The following UBE2D3 variants were observed in gnomAD, a reference collection of about 807,000 sequenced individuals.
UBE2D3 encodes ubiquitin-conjugating enzyme E2 D3.
In UBE2D3, 2 loss-of-function variants were observed where a neutral mutation model predicts 22.8. The ratio of observed to expected loss-of-function variants is 0.09; its 90% confidence interval spans 0.04 to 0.28. The LOEUF (loss-of-function observed/expected upper bound fraction) is 0.28, where lower values mean the gene tolerates loss of function less well. Among genes scored for constraint, UBE2D3 ranks in the 10% least tolerant of loss-of-function variants. UBE2D3 has a pLI of 1.00. For missense variants in UBE2D3, 27 were observed against 182.5 expected (o/e 0.15, Z 4.91); for synonymous variants, 56 against 60.4 (o/e 0.93, Z 0.34).
At chr4:102,811,557 T>C (rs1367598158) in intron 2 of UBE2D3, 3 of 279,698 alleles carry the variant, frequency 1.1e-5, no homozygotes, top group Non-Finnish European at 2.1e-5. Context: ...TGCACACGCC[T>C]GTAATCCCAG....
At chr4:102,832,578 T>G (rs223381) in intron 1 of UBE2D3, among the ~76,000 whole-genome samples, 85,448 of 151,738 alleles carry the variant, frequency 0.56, 25,037 homozygotes, top group African/African-American at 0.74. Context: ...TGAAGAAATG[T>G]GAGAAAGATC....
intron 7 of UBE2D3, 60 bp from the exon 8 acceptor site, chr4:102,797,520 G>T: frequency 7.3e-7 from 1 of 1,363,438 alleles, no homozygotes. Flanking sequence ...ACTTTAAATG[G>T]AAGGGAAAGA....
chr4:102,855,361 TACA>T (rs1000557676), intron 1 of UBE2D3, among the ~76,000 whole-genome samples: 7 of 152,216 alleles, frequency 4.6e-5, no homozygotes, highest in Non-Finnish European at 8.8e-5. Flanking sequence ...CAACAAATTC[TACA>T]ACATGTACCA....
At chr4:102,862,515 T>C (rs1732946452) in intron 1 of UBE2D3, among the ~76,000 whole-genome samples, 1 of 152,210 alleles carries the variant, frequency 6.6e-6, no homozygotes, top group Non-Finnish European at 1.5e-5. Context: ...TTTGGGTTTC[T>C]TATACCTTGA....
At chr4:102,811,678 C>CAAA in intron 2 of UBE2D3, 5 of 339,842 alleles carry the variant, frequency 1.5e-5, no homozygotes, top group Admixed American at 4.1e-5. Context: ...TCAAAAACAA[C>CAAA]AAAAAAAAAA....
chr4:102,811,685 A>C (rs897340368), intron 2 of UBE2D3: 1 of 384,290 alleles, frequency 2.6e-6, no homozygotes, highest in African/African-American at 2.2e-5. Flanking sequence ...CAACAAAAAA[A>C]AAACCCCAGA....
At chr4:102,809,647 A>C (rs1310683153) in intron 4 of UBE2D3, 25 bp downstream of exon 4, 2 of 1,578,876 alleles carry the variant, frequency 1.3e-6, no homozygotes, top group Non-Finnish European at 8.6e-7. Context: ...ACTTAAAACT[A>C]AATTTAAAAA....
intron 1 of UBE2D3, among the ~76,000 whole-genome samples, chr4:102,838,406 G>T (rs1007627028): frequency 6.6e-6 from 1 of 152,092 alleles, no homozygotes; most frequent in Non-Finnish European, 1.5e-5. Flanking sequence ...TTTCCCCAGG[G>T]AAATTTGAAA....
chr4:102,797,475 G>A lies in UBE2D3; in HGVS notation c.399-15C>T. 2 of 1,586,432 alleles carry A rather than the reference G, an allele frequency of 1.3e-6. No individual in the cohort carries two copies. Among genetic ancestry groups the A allele is most frequent in the African/African-American group, 1.4e-5 (1 of 73,736 alleles). On this transcript the variant is annotated splice_polypyrimidine_tract_variant and intron_variant, in intron 7 of 7. Transcript: ENST00000453744. ...TTCTGTTGTACCTGTAAATAAAGATGTTATTTTTAAAAGTTAAAATAAAGA... is the reference window on the plus strand; with the variant it reads ...TTCTGTTGTACCTGTAAATAAAGATATTATTTTTAAAAGTTAAAATAAAGA...
At chr4:102,808,678 G>C (rs1727455773) in intron 4 of UBE2D3, among the ~76,000 whole-genome samples, 3 of 152,030 alleles carry the variant, frequency 2.0e-5, no homozygotes, top group Admixed American at 2.0e-4. Flanking sequence ...TTAGGTATCT[G>C]TCTCCTCTAA....
intron 1 of UBE2D3, among the ~76,000 whole-genome samples, chr4:102,847,516 G>A (rs1323509987): frequency 1.3e-5 from 2 of 151,990 alleles, no homozygotes; most frequent in East Asian, 3.9e-4. Context: ...TGAACTCCTG[G>A]CCTCAAGTGA....
chr4:102,850,355 C>CAA, intron 1 of UBE2D3, among the ~76,000 whole-genome samples: 1 of 151,994 alleles, frequency 6.6e-6, no homozygotes, highest in Non-Finnish European at 1.5e-5. Flanking sequence ...TGCTATATTT[C>CAA]AATTTTTTAA....
intron 1 of UBE2D3, among the ~76,000 whole-genome samples, chr4:102,854,498 A>T (rs1732537587): frequency 6.6e-6 from 1 of 152,160 alleles, no homozygotes; most frequent in South Asian, 2.1e-4. Flanking sequence ...TTAGGTGCAT[A>T]TATGTTAAAG....
At chr4:102,846,259 T>C (rs1732036805) in intron 1 of UBE2D3, among the ~76,000 whole-genome samples, 2 of 152,206 alleles carry the variant, frequency 1.3e-5, no homozygotes, top group Admixed American at 6.5e-5. Flanking sequence ...CCCATCATCA[T>C]TGCATTCCTT....
At position 102,805,673 on chromosome 4, in the gene UBE2D3, A is replaced by T. The variant is rs536044222; in HGVS notation, c.121-3035T>A. ...CAGCTAAAAATGCTGGTATTCTTAT[A>T]GGTTGATTTTCTACTCTTAACTGCT... On this transcript the variant is annotated intron_variant, in intron 4 of 7. Coordinates refer to ENST00000453744, the MANE Select transcript of UBE2D3 (RefSeq NM_181891.3). 2.8e-4 allele frequency among the ~76,000 whole-genome samples: 43 copies of T among 152,190 alleles called. 1 individual carries two copies. Among genetic ancestry groups the T allele is most frequent in the Admixed American group, 5.9e-4 (9 of 15,288 alleles).
rs1174570471 is a variant in UBE2D3 at position 102,826,925 on chromosome 4, AGAG to A, written c.-128-292_-128-290del. ...TGCGGGGCAGGGTCCGGAGCCCAGC[AGAG>A]GAGGAGCCGGGGCCTAGTCGGCGCT... On this transcript the variant is annotated intron_variant, in intron 1 of 7. Coordinates refer to ENST00000453744, the MANE Select transcript of UBE2D3 (RefSeq NM_181891.3). 14 of 1,013,026 alleles carry A rather than the reference AGAG, an allele frequency of 1.4e-5. No homozygotes were observed. The East Asian group carries it at 3.0e-4, about 22-fold the overall frequency. The allele number at this position is 1,013,026 out of a possible 1,614,324, so 62.8% of individuals were successfully genotyped here.
At chr4:102,831,119 T>G (rs374104240), upstream of UBE2D3, among the ~76,000 whole-genome samples, 6 of 152,338 alleles carry the variant, frequency 3.9e-5, no homozygotes, top group East Asian at 9.6e-4. Flanking sequence ...CTGGCTCTAG[T>G]ACAGTGTATA....
chr4:102,808,585 T>TACAC (rs1374334469), intron 4 of UBE2D3, among the ~76,000 whole-genome samples: 1 of 152,162 alleles, frequency 6.6e-6, no homozygotes. Context: ...TCCTCCCTGC[T>TACAC]TCAATTTCCC....
At chr4:102,824,829 C>T (rs925367222) in intron 2 of UBE2D3, among the ~76,000 whole-genome samples, 3 of 152,254 alleles carry the variant, frequency 2.0e-5, no homozygotes, top group Non-Finnish European at 4.4e-5. Flanking sequence ...GTAAACCACA[C>T]TGTAACATAC....
Sources: gnomAD v4.1 joint callset for allele counts (sites outside exome capture counted in the v4.1 genomes callset) on GRCh38, gnomAD v4.1.1 for gene constraint, MANE v1.5 for transcripts, NCBI Gene and HGNC (gene_info 2026-07-23, HGNC 2026-07-21) for gene names.